Variants in NRG1 observed in about 807,000 individuals in gnomAD.
NRG1 encodes pro-neuregulin-1, membrane-bound isoform.
A neutral mutation model predicts 63.8 loss-of-function variants in NRG1; 18 were observed. The ratio of observed to expected loss-of-function variants is 0.28; its 90% CI spans 0.19 to 0.42. The LOEUF is 0.42. Ranked by LOEUF, NRG1 falls within the 10% of genes least tolerant of loss-of-function variation. NRG1 has a pLI of 1.00. For missense variants in NRG1, 762 were observed against 814.7 expected (o/e 0.94, Z 0.79); for synonymous variants, 302 against 301.3 (o/e 1.00, Z -0.02).
chr8:32,583,578 A>G (rs66877262), intron 1 of NRG1, among the ~76,000 whole-genome samples: 39,010 of 152,106 alleles, frequency 0.26, 5,130 homozygotes, highest in South Asian at 0.33. Context: ...TTAGGGATTC[A>G]TGGGGAATTA....
chr8:32,161,255 C>A (rs1360166392), intron 1 of NRG1, among the ~76,000 whole-genome samples: 1 of 151,988 alleles, frequency 6.6e-6, no homozygotes, highest in Non-Finnish European at 1.5e-5. Context: ...GAATTCTCAT[C>A]TCAAATTCCG....
chr8:32,042,567 A>G (rs535315961), intron 1 of NRG1, among the ~76,000 whole-genome samples: 10 of 152,342 alleles, frequency 6.6e-5, no homozygotes, highest in Admixed American at 3.9e-4. Flanking sequence ...AATCCAACCT[A>G]CATTAACACT....
chr8:32,641,547 A>T (rs1489772689), intron 5 of NRG1, among the ~76,000 whole-genome samples: 1 of 152,232 alleles, frequency 6.6e-6, no homozygotes, highest in Admixed American at 6.5e-5. Context: ...TAACTATCGT[A>T]TGCAATTAAA....
At chr8:31,671,105 G>T (rs1043150198) in intron 1 of NRG1, among the ~76,000 whole-genome samples, 1 of 151,936 alleles carries the variant, frequency 6.6e-6, no homozygotes, top group Non-Finnish European at 1.5e-5. Flanking sequence ...GTGGCCTCCA[G>T]CTCCATCTGT....
intron 1 of NRG1, among the ~76,000 whole-genome samples, chr8:32,427,450 T>A (rs1002484786): frequency 6.6e-6 from 1 of 152,170 alleles, no homozygotes; most frequent in African/African-American, 2.4e-5. Flanking sequence ...ATGTGACGGC[T>A]GCCTTTCCAG....
At chr8:32,611,829 T>C (rs1169715682) in intron 3 of NRG1, among the ~76,000 whole-genome samples, 1 of 152,108 alleles carries the variant, frequency 6.6e-6, no homozygotes, top group African/African-American at 2.4e-5. Flanking sequence ...TTGTATATAC[T>C]GTATACAATG....
exon 12 of NRG1, chr8:32,764,460 C>A: frequency 2.2e-6 from 3 of 1,341,848 alleles, no homozygotes; most frequent in South Asian, 3.4e-5. Flanking sequence ...ATAAAGTATT[C>A]CACCTTAAAT....
At chr8:31,908,991 C>T (rs934887379) in intron 1 of NRG1, among the ~76,000 whole-genome samples, 10 of 151,958 alleles carry the variant, frequency 6.6e-5, no homozygotes, top group Admixed American at 2.0e-4. Context: ...GACAATTTTC[C>T]AGCCTAGTAG....
chr8:32,298,228 A>T (rs1855120867), intron 1 of NRG1, among the ~76,000 whole-genome samples: 1 of 152,244 alleles, frequency 6.6e-6, no homozygotes, highest in Non-Finnish European at 1.5e-5. Flanking sequence ...CATTAAATGA[A>T]GTTAGAAGAC....
chr8:32,235,626 A>G (rs1847464431), intron 1 of NRG1, among the ~76,000 whole-genome samples: 1 of 152,198 alleles, frequency 6.6e-6, no homozygotes, highest in South Asian at 2.1e-4. Context: ...TTTATATTTA[A>G]TATTTATTCT....
chr8:32,083,084 G>A (rs112887604), intron 1 of NRG1, among the ~76,000 whole-genome samples: 3 of 152,232 alleles, frequency 2.0e-5, no homozygotes, highest in East Asian at 1.9e-4. Flanking sequence ...GCAGTCATGA[G>A]TATGCCTCCA....
intron 1 of NRG1, among the ~76,000 whole-genome samples, chr8:32,566,849 TTTTG>T (rs1215281256): frequency 2.5e-4 from 7 of 28,034 alleles, no homozygotes; most frequent in African/African-American, 6.5e-4. Flanking sequence ...TAGCATTTTG[TTTTG>T]TTTTGTTTTG....
chr8:32,041,134 T>G (rs1819963279), intron 1 of NRG1, among the ~76,000 whole-genome samples: 1 of 152,188 alleles, frequency 6.6e-6, no homozygotes, highest in Admixed American at 6.5e-5. Flanking sequence ...AATTTGTAAT[T>G]ATTTTTATAG....
intron 1 of NRG1, among the ~76,000 whole-genome samples, chr8:31,704,527 G>A (rs557190434): frequency 7.1e-4 from 108 of 152,066 alleles, no homozygotes; most frequent in African/African-American, 2.5e-3. Flanking sequence ...TTTTTGGGGG[G>A]TTAGAAAAAT....
At chr8:32,644,504 C>T (rs1853074398) in intron 5 of NRG1, among the ~76,000 whole-genome samples, 1 of 152,194 alleles carries the variant, frequency 6.6e-6, no homozygotes, top group Non-Finnish European at 1.5e-5. Flanking sequence ...TTTTATTCTT[C>T]ACCTCCCATC....
chr8:32,222,089 A>G (rs893430209), intron 1 of NRG1, among the ~76,000 whole-genome samples: 3 of 152,032 alleles, frequency 2.0e-5, no homozygotes, highest in Admixed American at 6.6e-5. Context: ...TTTCCAGGCC[A>G]CAGACAGGAA....
At chr8:31,834,331 G>A (rs79305926) in intron 1 of NRG1, among the ~76,000 whole-genome samples, 1,564 of 32,828 alleles carry the variant, frequency 0.048, 47 homozygotes, top group South Asian at 0.32. Context: ...ACACACACAC[G>A]CACACCAATT....
intron 1 of NRG1, among the ~76,000 whole-genome samples, chr8:31,979,756 T>A (rs1450372036): frequency 6.6e-6 from 1 of 152,050 alleles, no homozygotes; most frequent in Admixed American, 6.6e-5. Flanking sequence ...TGAACAAATA[T>A]TATATTACAG....
At chr8:31,804,715 C>T (rs545648333) in intron 1 of NRG1, among the ~76,000 whole-genome samples, 1 of 152,072 alleles carries the variant, frequency 6.6e-6, no homozygotes, top group Non-Finnish European at 1.5e-5. Context: ...TCAGTTATTG[C>T]TCTTAAGGCC....
Sources: allele counts gnomAD v4.1 joint callset (sites outside exome capture counted in the v4.1 genomes callset), GRCh38; gene constraint gnomAD v4.1.1; transcripts MANE v1.5; gene names NCBI Gene and HGNC (gene_info 2026-07-23, HGNC 2026-07-21).